The following NAALADL2 variants were observed in gnomAD, a reference collection of about 807,000 sequenced individuals.
NAALADL2 encodes the protein N-acetylated alpha-linked acidic dipeptidase like 2, also known as inactive N-acetylated-alpha-linked acidic dipeptidase-like protein 2.
NAALADL2 carries 76 observed loss-of-function variants against 87.2 expected under a neutral mutation model. The observed-to-expected ratio is 0.87, with a 90% CI of 0.72 to 1.05. The LOEUF (loss-of-function observed/expected upper bound fraction) is 1.05. Ranked by LOEUF, NAALADL2 falls within the 50% of genes least tolerant of loss-of-function variation. The pLI, the probability that NAALADL2 is intolerant of heterozygous loss-of-function variation, is 0.00. For missense variants in NAALADL2, 1,089 were observed against 945.8 expected (o/e 1.15, Z -1.99); for synonymous variants, 354 against 331.0 (o/e 1.07, Z -0.75).
At chr3:175,190,601 G>A (rs35571966) in intron 2 of NAALADL2, among the ~76,000 whole-genome samples, 39,854 of 151,944 alleles carry the variant, frequency 0.26, 5,996 homozygotes, top group South Asian at 0.34. Flanking sequence ...TAGATGGTGC[G>A]GTCATTATGG....
intron 11 of NAALADL2, among the ~76,000 whole-genome samples, chr3:175,736,989 G>A (rs1340532056): frequency 6.6e-6 from 1 of 152,138 alleles, no homozygotes; most frequent in Non-Finnish European, 1.5e-5. Context: ...ACTACGAACT[G>A]TAAGGAATTA....
chr3:175,397,821 T>C (rs556807596), intron 5 of NAALADL2, among the ~76,000 whole-genome samples: 4 of 152,152 alleles, frequency 2.6e-5, no homozygotes, highest in Non-Finnish European at 5.9e-5. Context: ...TCATAGCCCT[T>C]GAGAGAAGTG....
intron 5 of NAALADL2, among the ~76,000 whole-genome samples, chr3:175,347,127 G>A (rs571705417): frequency 4.6e-5 from 7 of 152,238 alleles, no homozygotes; most frequent in African/African-American, 1.7e-4. Context: ...AGCAGCACCC[G>A]GAACCGGCAC....
At chr3:175,276,741 A>C (rs1255112614) in intron 4 of NAALADL2, among the ~76,000 whole-genome samples, 1 of 152,212 alleles carries the variant, frequency 6.6e-6, no homozygotes, top group Non-Finnish European at 1.5e-5. Context: ...GTACATAGAA[A>C]TAGAATGGTA....
At chr3:175,313,479 G>T (rs147660346) in intron 4 of NAALADL2, among the ~76,000 whole-genome samples, 6 of 152,142 alleles carry the variant, frequency 3.9e-5, no homozygotes, top group Admixed American at 1.3e-4. Flanking sequence ...AAGCTTTTCC[G>T]TTTGGTTCTT....
intron 10 of NAALADL2, among the ~76,000 whole-genome samples, chr3:175,579,478 C>T (rs1719426623): frequency 6.6e-6 from 1 of 152,132 alleles, no homozygotes; most frequent in African/African-American, 2.4e-5. Flanking sequence ...GCTTAAAACA[C>T]CTTTGATCTT....
intron 10 of NAALADL2, among the ~76,000 whole-genome samples, chr3:175,577,533 G>T (rs1719074144): frequency 6.6e-6 from 1 of 152,094 alleles, no homozygotes; most frequent in South Asian, 2.1e-4. Context: ...TTGAAACAGG[G>T]ACCAGTGAAA....
chr3:175,179,378 A>T (rs1458941536), intron 2 of NAALADL2, among the ~76,000 whole-genome samples: 1 of 151,938 alleles, frequency 6.6e-6, no homozygotes, highest in Non-Finnish European at 1.5e-5. Flanking sequence ...TAGAGACAGG[A>T]TAGAGAGGGA....
At chr3:175,112,107 C>T (rs1458106367) in intron 2 of NAALADL2, among the ~76,000 whole-genome samples, 1 of 151,446 alleles carries the variant, frequency 6.6e-6, no homozygotes. Context: ...ACAATATTAC[C>T]TGCTATTTAT....
intron 5 of NAALADL2, among the ~76,000 whole-genome samples, chr3:175,330,354 G>A (rs764449461): frequency 2.0e-5 from 3 of 151,948 alleles, no homozygotes; most frequent in Non-Finnish European, 4.4e-5. Context: ...TGAGGTGGGA[G>A]GATCACTTGA....
intron 9 of NAALADL2, among the ~76,000 whole-genome samples, chr3:175,518,012 G>C (rs1732124366): frequency 2.0e-5 from 3 of 152,258 alleles, no homozygotes; most frequent in Admixed American, 2.0e-4. Context: ...TGTACGCGTG[G>C]CTGGAAAGGA....
intron 1 of NAALADL2, among the ~76,000 whole-genome samples, chr3:174,475,707 G>A (rs1165453056): frequency 2.0e-5 from 3 of 151,960 alleles, no homozygotes; most frequent in Non-Finnish European, 4.4e-5. Flanking sequence ...AGGGATTCAA[G>A]TTTAGGAATA....
At chr3:175,357,762 A>G (rs1764555766) in intron 5 of NAALADL2, among the ~76,000 whole-genome samples, 2 of 152,196 alleles carry the variant, frequency 1.3e-5, no homozygotes, top group Non-Finnish European at 2.9e-5. Flanking sequence ...TGGCTATATC[A>G]GTCAAAGTAA....
At chr3:175,062,737 A>T (rs1338674167) in intron 1 of NAALADL2, among the ~76,000 whole-genome samples, 1 of 152,160 alleles carries the variant, frequency 6.6e-6, no homozygotes, top group Admixed American at 6.6e-5. Context: ...TTTAACTATC[A>T]TATGTATGTT....
At chr3:174,651,547 A>G (rs533358303) in intron 2 of NAALADL2, among the ~76,000 whole-genome samples, 1 of 152,282 alleles carries the variant, frequency 6.6e-6, no homozygotes, top group African/African-American at 2.4e-5. Context: ...TTTTTAAATA[A>G]AAACAATAAC....
chr3:174,446,513 A>C (rs1020087290), intron 1 of NAALADL2, among the ~76,000 whole-genome samples: 2 of 152,196 alleles, frequency 1.3e-5, no homozygotes, highest in African/African-American at 4.8e-5. Flanking sequence ...AAGTACAATT[A>C]TCATTGGTGA....
Position 175,386,495 on chromosome 3 carries a change from C to CT in NAALADL2, c.1091-60722dup, listed in dbSNP as rs773283817. ...ATTTCTGTCAAGAGGCATGTATCAT[C>CT]TTTTTTTTTTTTCCCCTCTCCCTCT... On this transcript the variant is annotated intron_variant, in intron 5 of 13. Coordinates refer to ENST00000454872, the MANE Select transcript of NAALADL2 (RefSeq NM_207015.3). Among the ~76,000 whole-genome samples, 458 of 145,138 alleles carry CT rather than the reference C, an allele frequency of 3.2e-3. 3 individuals are homozygous for CT. Among genetic ancestry groups the CT allele is most frequent in the South Asian group, 0.012 (57 of 4,620 alleles).
intron 2 of NAALADL2, among the ~76,000 whole-genome samples, chr3:175,206,493 G>A (rs908715118): frequency 6.6e-6 from 1 of 151,690 alleles, no homozygotes; most frequent in Non-Finnish European, 1.5e-5. Flanking sequence ...TGTTCTTGCT[G>A]ATATGTGGGA....
chr3:174,453,284 A>T (rs113867716), intron 1 of NAALADL2, among the ~76,000 whole-genome samples: 12 of 152,322 alleles, frequency 7.9e-5, no homozygotes, highest in African/African-American at 2.9e-4. Flanking sequence ...ATGGGATTAC[A>T]TAAAGAGACC....
Sources: allele counts gnomAD v4.1 joint callset (sites outside exome capture counted in the v4.1 genomes callset), GRCh38; gene constraint gnomAD v4.1.1; transcripts MANE v1.5; gene names NCBI Gene and HGNC (gene_info 2026-07-23, HGNC 2026-07-21).